The following GLS variants were observed in gnomAD, a reference collection of about 807,000 sequenced individuals.
GLS encodes glutaminase kidney isoform, mitochondrial.
In GLS, 36 loss-of-function variants were observed where a neutral mutation model predicts 86.7. The observed-to-expected ratio is 0.42, with a 90% confidence interval of 0.32 to 0.55. The LOEUF is 0.55. Ranked by LOEUF, GLS falls within the 20% of genes least tolerant of loss-of-function variation. The pLI is 0.17. For missense variants in GLS, 528 were observed against 833.4 expected, an observed-to-expected ratio of 0.63 and a Z score of 4.51; for synonymous variants, 317 against 305.9, an observed-to-expected ratio of 1.04 and a Z score of -0.38.
intron 14 of GLS, among the ~76,000 whole-genome samples, chr2:190,945,592 G>A (rs1690556581): frequency 6.6e-6 from 1 of 151,680 alleles, no homozygotes; most frequent in Non-Finnish European, 1.5e-5. Context: ...TTGAGCTTGG[G>A]AGGTCAAGGC....
intron 14 of GLS, chr2:190,934,663 C>CT: frequency 1.0e-6 from 1 of 981,216 alleles, no homozygotes; most frequent in Non-Finnish European, 1.2e-6. Context: ...GTTGGTTTTA[C>CT]TTTATTAAAT....
chr2:190,893,511 A>C (rs1688631502), intron 1 of GLS, among the ~76,000 whole-genome samples: 1 of 152,234 alleles, frequency 6.6e-6, no homozygotes, highest in Non-Finnish European at 1.5e-5. Flanking sequence ...GTTAGAATGC[A>C]TGTAAAACAC....
At chr2:190,927,193 T>C in intron 11 of GLS, 113 bp from the exon 12 acceptor site, 1 of 840,540 alleles carries the variant, frequency 1.2e-6, no homozygotes, top group South Asian at 2.0e-5. Flanking sequence ...TAAAGTAATC[T>C]CTTTGGAAGA....
At chr2:190,885,854 T>C (rs1036148525) in intron 1 of GLS, among the ~76,000 whole-genome samples, 2 of 151,674 alleles carry the variant, frequency 1.3e-5, no homozygotes, top group African/African-American at 4.8e-5. Flanking sequence ...TTTAGTTTTT[T>C]TTTTTAAATT....
rs1478821436 is a variant in GLS, at chr2:190,943,042, C to T, written c.1651-10523C>T. ...GAAGCTTTACTGGAAACTCACCTGA[C>T]GCTCATTGACCAGACTAACTGCAAG... On this transcript the variant is annotated intron_variant, in intron 14 of 17. Transcript: ENST00000320717. This position sits in a 1 kb window ranked among gnomAD's most constrained non-coding sequence, Gnocchi z 4.5. Among the ~76,000 whole-genome samples, 11 of 152,144 alleles carry T rather than the reference C, an allele frequency of 7.2e-5. No individual in the cohort carries two copies. The highest frequency in any genetic ancestry group is 2.1e-4 in the South Asian group (1 of 4,832).
Position 190,954,565 on chromosome 2 carries a change from T to A in GLS, c.1713-19T>A, listed in dbSNP as rs943023260. Reference sequence around the variant, plus strand: ...ATTTGCTTTATATATAATAAATAGCTGTGCTTACACATTTTCAGATTTGCT... The same window carrying A: ...ATTTGCTTTATATATAATAAATAGCAGTGCTTACACATTTTCAGATTTGCT... On this transcript the variant is annotated intron_variant, in intron 15 of 17. Coordinates refer to ENST00000320717, the MANE Select transcript of GLS (RefSeq NM_014905.5). The surrounding 1 kb of genome is among the most constrained non-coding windows in gnomAD (Gnocchi z 4.0). The A allele has an allele frequency of 6.4e-7, 1 of 1,563,082 alleles. No homozygotes were observed. The highest frequency in any genetic ancestry group is 1.7e-5 in the Admixed American group (1 of 58,620).
rs754098461 is a variant in GLS at position 190,955,267 on chromosome 2, C to T, written c.1853+449C>T. Among the ~76,000 whole-genome samples, 3 of 152,128 alleles carry T rather than the reference C, an allele frequency of 2.0e-5. No homozygotes were observed. Among genetic ancestry groups the T allele is most frequent in the Admixed American group, 6.6e-5 (1 of 15,264 alleles). ...TCTACATTAGGTATTTCTTCTAATG[C>T]GATCCCTCCCTTACCCTGACCCCCA... On this transcript the variant is annotated intron_variant, in intron 17 of 17. Coordinates refer to ENST00000320717, the MANE Select transcript of GLS (RefSeq NM_014905.5). The surrounding 1 kb of genome is among the most constrained non-coding windows in gnomAD (Gnocchi z 5.6).
intron 14 of GLS, chr2:190,932,948 T>A (rs1690155622): frequency 5.1e-5 from 66 of 1,302,990 alleles, no homozygotes; most frequent in Non-Finnish European, 6.4e-5. Context: ...AATATTTATT[T>A]GAGGTATTTT....
intron 1 of GLS, chr2:190,881,793 T>G (rs1469226481): frequency 4.0e-6 from 1 of 251,010 alleles, no homozygotes; most frequent in African/African-American, 2.3e-5. Flanking sequence ...CGCTGCGTGC[T>G]CAGCTCCCTG....
rs1433203479 is a variant in GLS at position 190,930,356 on chromosome 2, C to A, written c.1426-81C>A. Reference sequence around the variant, plus strand: ...TACAGGAGTGAGCCATGGTGCCCAGCCCCAGTTTCCCTATTGTTGAACATA... The same window carrying A: ...TACAGGAGTGAGCCATGGTGCCCAGACCCAGTTTCCCTATTGTTGAACATA... On this transcript the variant is annotated intron_variant, in intron 12 of 17. Coordinates refer to ENST00000320717, the MANE Select transcript of GLS (RefSeq NM_014905.5). This position sits in a 1 kb window ranked among gnomAD's most constrained non-coding sequence, Gnocchi z 5.0. 3 of 1,059,030 alleles carry A rather than the reference C, an allele frequency of 2.8e-6. No homozygotes were observed. The highest frequency in any genetic ancestry group is 2.4e-5 in the East Asian group (1 of 41,058). The allele number at this position is 1,059,030 out of a possible 1,614,324, so 65.6% of individuals were successfully genotyped here.
rs1490515196 is a variant in GLS, at chr2:190,964,016, T to TGTCA, written c.*1031_*1034dup. 1 of 152,128 alleles carries TGTCA rather than the reference T, an allele frequency of 6.6e-6. No individual in the cohort carries two copies. The highest frequency in any genetic ancestry group is 1.5e-5 in the Non-Finnish European group (1 of 68,028). The allele number at this position is 152,128 out of a possible 1,614,324, so 9.4% of individuals were successfully genotyped here. A position where few individuals can be genotyped will look rare whatever the true frequency, so the allele number is the denominator to read the frequency against. ...ACTAACAAACATTTGTTTCCAAGCC[T>TGTCA]GTCATTAAGAGTCTGCATCAAGAGA... On this transcript the variant is annotated 3_prime_UTR_variant, in exon 18 of 18. Coordinates refer to ENST00000320717, the MANE Select transcript of GLS (RefSeq NM_014905.5). This position sits in a 1 kb window ranked among gnomAD's most constrained non-coding sequence, Gnocchi z 5.2.
chr2:190,946,982 A>G (rs571970515), intron 14 of GLS, among the ~76,000 whole-genome samples: 3 of 151,854 alleles, frequency 2.0e-5, no homozygotes, highest in Non-Finnish European at 4.4e-5. Context: ...AATAAAATAT[A>G]TCTATCAACA....
At chr2:190,928,333 A>C (rs561029361) in intron 12 of GLS, among the ~76,000 whole-genome samples, 9 of 149,288 alleles carry the variant, frequency 6.0e-5, no homozygotes, top group East Asian at 2.0e-4. Flanking sequence ...GTAAATTATT[A>C]TTTCTTTTTT....
At chr2:190,910,211 TA>T in intron 6 of GLS, 51 bp from the exon 7 acceptor site, 1 of 1,044,352 alleles carries the variant, frequency 9.6e-7, no homozygotes, top group South Asian at 1.4e-5. Context: ...ATAGTAATAT[TA>T]CTCAAGTGTT....
At chr2:190,948,793 A>G (rs1018241127) in intron 14 of GLS, among the ~76,000 whole-genome samples, 3 of 152,200 alleles carry the variant, frequency 2.0e-5, no homozygotes, top group Non-Finnish European at 1.5e-5. Flanking sequence ...GTTCACAGGA[A>G]TGGGTAAGAA....
At chr2:190,881,516 C>A in intron 1 of GLS, 46 bp downstream of exon 1, 2 of 1,517,088 alleles carry the variant, frequency 1.3e-6, no homozygotes, top group Non-Finnish European at 8.9e-7. Flanking sequence ...CTTTCGGGGC[C>A]CGGGCTCAGG....
intron 1 of GLS, among the ~76,000 whole-genome samples, chr2:190,890,140 A>G (rs1688512897): frequency 6.6e-6 from 1 of 151,760 alleles, no homozygotes; most frequent in Non-Finnish European, 1.5e-5. Flanking sequence ...TGACTTGGAT[A>G]CTCTTAAAAC....
rs972941504 is a variant in GLS at position 190,965,194 on chromosome 2, C to T, written c.*2208C>T. On this transcript the variant is annotated 3_prime_UTR_variant, in exon 18 of 18. Transcript: ENST00000320717. The surrounding 1 kb of genome is among the most constrained non-coding windows in gnomAD (Gnocchi z 5.0). ...GTGCTTTTTCTGTATCCTGAGCGCTCTATATGATCATGTTAATTTAAAGCT... is the reference window on the plus strand; with the variant it reads ...GTGCTTTTTCTGTATCCTGAGCGCTTTATATGATCATGTTAATTTAAAGCT... 1 of 152,534 alleles carries T rather than the reference C, an allele frequency of 6.6e-6. No homozygotes were observed. The highest frequency in any genetic ancestry group is 6.5e-5 in the Admixed American group (1 of 15,270). 9.4% of individuals were successfully genotyped at this position (152,534 alleles called of 1,614,324 possible).
intron 3 of GLS, among the ~76,000 whole-genome samples, chr2:190,896,924 A>G (rs1688763068): frequency 6.6e-6 from 1 of 152,114 alleles, no homozygotes; most frequent in South Asian, 2.1e-4. Context: ...TTCTGTGGGC[A>G]TTATTTTGTT....
Sources: allele counts gnomAD v4.1 joint callset (sites outside exome capture counted in the v4.1 genomes callset), GRCh38; gene constraint gnomAD v4.1.1; non-coding constraint Gnocchi (gnomAD v3.1); transcripts MANE v1.5; gene names NCBI Gene and HGNC (gene_info 2026-07-23, HGNC 2026-07-21).